Variants in INTS6 observed in about 807,000 individuals in gnomAD.
The protein encoded by INTS6 is integrator complex subunit 6.
INTS6 carries 16 observed loss-of-function variants against 104.9 expected under a neutral mutation model. That is an observed-to-expected ratio of 0.15 (90% CI 0.10 to 0.23). The LOEUF (loss-of-function observed/expected upper bound fraction) is 0.23. Among genes scored for constraint, INTS6 ranks in the 10% least tolerant of loss-of-function variants. The probability of loss-of-function intolerance (pLI) is 1.00; values close to 1 mark genes in which losing one functional copy is unlikely to be tolerated. For missense variants in INTS6, 584 were observed against 1,062.8 expected, an observed-to-expected ratio of 0.55 and a Z score of 6.26; for synonymous variants, 324 against 358.7, an observed-to-expected ratio of 0.90 and a Z score of 1.09.
chr13:51,389,486 G>T (rs1367417136), intron 5 of INTS6, 42 bp from the exon 6 acceptor site: 8 of 1,487,014 alleles, frequency 5.4e-6, no homozygotes, highest in Non-Finnish European at 7.2e-6. Context: ...GAAGAATATA[G>T]TAAACTAGTT....
At chr13:51,427,421 A>G (rs1957003987) in intron 4 of INTS6, among the ~76,000 whole-genome samples, 1 of 152,138 alleles carries the variant, frequency 6.6e-6, no homozygotes, top group East Asian at 1.9e-4. Context: ...ACACAGAAGA[A>G]CAATACAAAA....
intron 15 of INTS6, among the ~76,000 whole-genome samples, chr13:51,370,777 C>G (rs893618175): frequency 3.9e-5 from 6 of 152,140 alleles, no homozygotes; most frequent in Admixed American, 3.3e-4. Context: ...ACCTGGCAAC[C>G]TTCATTTAAC....
At position 51,362,287 on chromosome 13, in the gene INTS6, G is replaced by A. The variant is rs9596507; in HGVS notation, c.*3465C>T. On this transcript the variant is annotated 3_prime_UTR_variant, in exon 18 of 18. Transcript: ENST00000311234. ...TTTTTCAGGTCACTAGAGTACACCAGAGTAGTCCTCTTGTGATCCTAGTAT... is the reference window on the plus strand; with the variant it reads ...TTTTTCAGGTCACTAGAGTACACCAAAGTAGTCCTCTTGTGATCCTAGTAT... 3,453 of 291,526 alleles carry A rather than the reference G, an allele frequency of 0.012. 134 individuals carry two copies. Among genetic ancestry groups the A allele is most frequent in the African/African-American group, 0.072 (3,206 of 44,432 alleles). The allele number at this position is 291,526 out of a possible 1,614,324, so 18.1% of individuals were successfully genotyped here. A position where few individuals can be genotyped will look rare whatever the true frequency, so the allele number is the denominator to read the frequency against.
Position 51,382,083 on chromosome 13 carries a change from C to T in INTS6, c.1221G>A (p.Lys407=). Residue 407 remains lysine (K), a synonymous_variant, in exon 10 of 18, where the codon AAG becomes AAA. Coordinates refer to ENST00000311234, the MANE Select transcript of INTS6 (RefSeq NM_012141.3). The stretch of plus-strand genomic sequence containing the variant: ...AATAACTTTCAAATGACTGTCTCCA[C>T]TTCAATGTTGGTTTTGCTTTATGCA... ...FKVHKAKPTL[K]WRQSFESYLK... 6.2e-7 allele frequency: 1 copy of T among 1,612,066 alleles called. No individual in the cohort carries two copies. The highest frequency in any genetic ancestry group is 8.5e-7 in the Non-Finnish European group (1 of 1,178,894).
intron 4 of INTS6, among the ~76,000 whole-genome samples, chr13:51,405,271 C>A (rs374376177): frequency 1.5e-4 from 23 of 151,916 alleles, no homozygotes. Context: ...TTTAAGAAAG[C>A]CTTTAATCCT....
intron 17 of INTS6, 27 bp from the exon 18 acceptor site, chr13:51,365,872 C>A: frequency 7.3e-7 from 1 of 1,365,544 alleles, no homozygotes; most frequent in South Asian, 1.3e-5. Flanking sequence ...ATAGTACTCT[C>A]AATTACTTTT....
chr13:51,429,878 C>CT (rs1555290273), intron 4 of INTS6, among the ~76,000 whole-genome samples: 2 of 149,378 alleles, frequency 1.3e-5, no homozygotes, highest in African/African-American at 4.9e-5. Context: ...CTTAACACCT[C>CT]TTCTTGGCTT....
chr13:51,351,154 G>T (rs1297699896), downstream of INTS6, among the ~76,000 whole-genome samples: 1 of 151,964 alleles, frequency 6.6e-6, no homozygotes, highest in Admixed American at 6.6e-5. Flanking sequence ...CAATTATCTT[G>T]GATATACACC....
chr13:51,383,700 T>C lies in INTS6; in HGVS notation c.936A>G (p.Thr312=), dbSNP rs745345572. ...TSHPVVKFSC[T]DCEPMVIDKL... is the part of the protein sequence containing the mutation. ...TATCAATAACCATTGGTTCACAGTC[T>C]GTACAGGAAAACTTCACTACAGGAT... The change falls in exon 8 of 18, where the codon ACA becomes ACG. Residue 312 remains threonine (T), a synonymous_variant. Coordinates refer to ENST00000311234, the MANE Select transcript of INTS6 (RefSeq NM_012141.3). 8 of 1,613,774 alleles carry C rather than the reference T, an allele frequency of 5.0e-6. No homozygotes were observed. The highest frequency in any genetic ancestry group is 5.1e-6 in the Non-Finnish European group (6 of 1,179,870).
chr13:51,359,812 T>A (rs1417634688), downstream of INTS6, among the ~76,000 whole-genome samples: 1 of 152,134 alleles, frequency 6.6e-6, no homozygotes, highest in Non-Finnish European at 1.5e-5. Flanking sequence ...ACTTTGGCAC[T>A]GCATTTCAGT....
intron 4 of INTS6, among the ~76,000 whole-genome samples, chr13:51,422,425 A>G (rs1956911640): frequency 6.6e-6 from 1 of 152,210 alleles, no homozygotes; most frequent in South Asian, 2.1e-4. Flanking sequence ...TCCTCAGACC[A>G]AGCATGGACC....
At chr13:51,412,321 A>G (rs1027216943) in intron 4 of INTS6, among the ~76,000 whole-genome samples, 16 of 152,224 alleles carry the variant, frequency 1.1e-4, no homozygotes, top group African/African-American at 3.9e-4. Context: ...AGGGGACAAT[A>G]ACAACAACAA....
At chr13:51,406,172 G>A (rs1449463111) in intron 4 of INTS6, among the ~76,000 whole-genome samples, 3 of 152,098 alleles carry the variant, frequency 2.0e-5, no homozygotes, top group Non-Finnish European at 4.4e-5. Context: ...CTTGCCCAAT[G>A]TATAGTCTCA....
chr13:51,422,895 C>A (rs914623960), intron 4 of INTS6: 2 of 345,404 alleles, frequency 5.8e-6, no homozygotes, highest in African/African-American at 4.4e-5. Context: ...ACTGTTTTCT[C>A]TTCCTGATAT....
rs941352772 is a variant in INTS6 at position 51,451,013 on chromosome 13, T to C, written c.339+12A>G. The C allele has an allele frequency of 1.3e-6, 2 of 1,493,458 alleles. No individual in the cohort carries two copies. Among genetic ancestry groups the C allele is most frequent in the Non-Finnish European group, 1.8e-6 (2 of 1,121,522 alleles). The allele number at this position is 1,493,458 out of a possible 1,614,324, so 92.5% of individuals were successfully genotyped here. ...AAAATCAACTATTTTGCCACCTTATTATTCAACCTACCTGCCCATAGTTGT... is the reference window on the plus strand; with the variant it reads ...AAAATCAACTATTTTGCCACCTTATCATTCAACCTACCTGCCCATAGTTGT... On this transcript the variant is annotated intron_variant, in intron 3 of 17. Transcript: ENST00000311234.
the INTS6 span, among the ~76,000 whole-genome samples, chr13:51,347,961 C>T: frequency 2.9e-4 from 44 of 152,186 alleles, no homozygotes; most frequent in East Asian, 7.9e-3. Flanking sequence ...CATCGTCCCC[C>T]CCCCCATACC....
chr13:51,378,577 A>G (rs1955981247), intron 11 of INTS6, 123 bp from the exon 12 acceptor site: 1 of 474,588 alleles, frequency 2.1e-6, no homozygotes, highest in African/African-American at 2.0e-5. Flanking sequence ...TTAAAAACTC[A>G]AGTAGCATAG....
intron 4 of INTS6, among the ~76,000 whole-genome samples, chr13:51,406,881 T>C (rs984445665): frequency 4.0e-5 from 6 of 151,578 alleles, no homozygotes; most frequent in African/African-American, 1.5e-4. Flanking sequence ...TCTTAAAACA[T>C]TATGAGATTT....
At chr13:51,403,199 T>C (rs965518624) in intron 4 of INTS6, among the ~76,000 whole-genome samples, 1 of 152,198 alleles carries the variant, frequency 6.6e-6, no homozygotes, top group African/African-American at 2.4e-5. Context: ...CTCAGGAATC[T>C]AAACAGATGT....
Sources: gnomAD v4.1 joint callset for allele counts (sites outside exome capture counted in the v4.1 genomes callset) on GRCh38, gnomAD v4.1.1 for gene constraint, MANE v1.5 for transcripts, NCBI Gene and HGNC (gene_info 2026-07-23, HGNC 2026-07-21) for gene names.